NEK11: variants seen among roughly 807,000 people sequenced by gnomAD.
NEK11 encodes NIMA related kinase 11.
In NEK11, 72 loss-of-function variants were observed where a neutral mutation model predicts 80.7. That is an observed-to-expected ratio of 0.89 (90% confidence interval 0.74 to 1.08). The LOEUF (loss-of-function observed/expected upper bound fraction) is 1.08, where lower values mean the gene tolerates loss of function less well. Ranked by LOEUF, NEK11 falls within the 50% of genes least tolerant of loss-of-function variation. The pLI is 0.00. For synonymous variants in NEK11, 251 were observed against 260.7 expected, an observed-to-expected ratio of 0.96 and a Z score of 0.36; for missense variants, 764 against 763.6, an observed-to-expected ratio of 1.00 and a Z score of -0.01.
intron 5 of NEK11, among the ~76,000 whole-genome samples, chr3:131,131,452 G>A (rs955179558): frequency 1.3e-5 from 2 of 152,084 alleles, no homozygotes; most frequent in Admixed American, 6.6e-5. Context: ...TTGGCAGCTT[G>A]TGTCTTTGAA....
intron 16 of NEK11, among the ~76,000 whole-genome samples, chr3:131,261,824 A>G (rs1318934811): frequency 6.6e-6 from 1 of 152,148 alleles, no homozygotes; most frequent in Non-Finnish European, 1.5e-5. Flanking sequence ...CACAGCTACT[A>G]TTTATATTGC....
intron 7 of NEK11, among the ~76,000 whole-genome samples, chr3:131,145,821 A>G (rs969154313): frequency 6.6e-6 from 1 of 152,144 alleles, no homozygotes; most frequent in Non-Finnish European, 1.5e-5. Flanking sequence ...TCATCTGAAA[A>G]ATGGGAATAA....
At chr3:131,182,159 GA>G (rs1223749794) in intron 14 of NEK11, among the ~76,000 whole-genome samples, 1 of 146,786 alleles carries the variant, frequency 6.8e-6, no homozygotes, top group Non-Finnish European at 1.5e-5. Context: ...AAAAAGAAAA[GA>G]AAAAAGAACT....
At chr3:131,184,800 G>T (rs2093529626) in intron 14 of NEK11, 2 of 874,106 alleles carry the variant, frequency 2.3e-6, no homozygotes, top group Non-Finnish European at 1.5e-6. Context: ...TACTTTTTGA[G>T]TCCCCTAGCT....
chr3:131,177,007 T>C (rs2093058390), intron 14 of NEK11, among the ~76,000 whole-genome samples: 1 of 152,184 alleles, frequency 6.6e-6, no homozygotes, highest in Non-Finnish European at 1.5e-5. Flanking sequence ...AGCTTTAAGG[T>C]TGGATAGAAA....
chr3:131,216,872 A>G (rs1470316235), intron 14 of NEK11, among the ~76,000 whole-genome samples: 1 of 152,250 alleles, frequency 6.6e-6, no homozygotes, highest in African/African-American at 2.4e-5. Context: ...CCTTGGGCGC[A>G]GAGGGGGCTC....
chr3:131,117,546 A>G (rs921172015), intron 5 of NEK11, among the ~76,000 whole-genome samples: 4 of 152,140 alleles, frequency 2.6e-5, no homozygotes, highest in African/African-American at 9.7e-5. Context: ...ATGGCATTGA[A>G]TCTATAAATT....
rs569064927 is a variant in NEK11, at chr3:131,184,381, A to G, written c.1399+13494A>G. Among the ~76,000 whole-genome samples the G allele has an allele frequency of 9.2e-5, 14 of 152,306 alleles. No homozygotes were observed. The South Asian group carries it at 2.9e-3, about 32-fold the overall frequency. ...TTTTAACAACATCTCAGTGATTCGT[A>G]GGCACATTAAAGTTTGAAAAGGACT... On this transcript the variant is annotated intron_variant, in intron 14 of 17. Transcript: ENST00000383366.
chr3:131,140,223 G>A (rs1046419130), intron 7 of NEK11, among the ~76,000 whole-genome samples: 2 of 152,094 alleles, frequency 1.3e-5, no homozygotes, highest in African/African-American at 4.8e-5. Context: ...GATTTTGCTT[G>A]GTTCTCTTGA....
At chr3:131,076,668 T>C (rs2074409310) in intron 3 of NEK11, among the ~76,000 whole-genome samples, 1 of 152,232 alleles carries the variant, frequency 6.6e-6, no homozygotes, top group Non-Finnish European at 1.5e-5. Flanking sequence ...GTGGGTACAG[T>C]AGCTGCTAAT....
intron 3 of NEK11, among the ~76,000 whole-genome samples, chr3:131,041,944 ACGG>A (rs2066553974): frequency 6.6e-6 from 1 of 152,126 alleles, no homozygotes; most frequent in Admixed American, 6.5e-5. Context: ...GGTACAGCCC[ACGG>A]AGGGCGAGCA....
chr3:131,207,396 A>T (rs1335311004), intron 14 of NEK11, among the ~76,000 whole-genome samples: 1 of 152,164 alleles, frequency 6.6e-6, no homozygotes, highest in Non-Finnish European at 1.5e-5. Flanking sequence ...ATCCTGGCTA[A>T]CACGGTGAAA....
At chr3:131,265,822 C>T (rs1023358224) in intron 16 of NEK11, among the ~76,000 whole-genome samples, 7 of 152,212 alleles carry the variant, frequency 4.6e-5, no homozygotes, top group African/African-American at 7.2e-5. Context: ...TGGTAGAATT[C>T]GGCTGTGAAT....
chr3:131,261,489 A>G (rs1265627902), intron 16 of NEK11, among the ~76,000 whole-genome samples: 1 of 152,088 alleles, frequency 6.6e-6, no homozygotes, highest in East Asian at 1.9e-4. Flanking sequence ...TTGTCTTCCC[A>G]AGTAAATGCT....
intron 14 of NEK11, among the ~76,000 whole-genome samples, chr3:131,182,874 T>A (rs2093427652): frequency 6.6e-6 from 1 of 152,216 alleles, no homozygotes; most frequent in Admixed American, 6.5e-5. Context: ...CAATTCCACA[T>A]GACCTGTTTT....
chr3:131,146,861 C>A (rs1036799027), intron 7 of NEK11, among the ~76,000 whole-genome samples: 4 of 151,878 alleles, frequency 2.6e-5, no homozygotes, highest in Non-Finnish European at 5.9e-5. Flanking sequence ...AAGTCTTTTG[C>A]CCATTTTTCT....
At chr3:131,077,709 A>G (rs1288544293) in intron 3 of NEK11, among the ~76,000 whole-genome samples, 1 of 152,144 alleles carries the variant, frequency 6.6e-6, no homozygotes, top group Non-Finnish European at 1.5e-5. Context: ...GGTACAGTAA[A>G]TTACTGAAAA....
At chr3:131,181,563 G>A (rs1446356101) in intron 14 of NEK11, among the ~76,000 whole-genome samples, 3 of 151,976 alleles carry the variant, frequency 2.0e-5, no homozygotes, top group South Asian at 2.1e-4. Flanking sequence ...TGGCTAACAC[G>A]ATGAAACCCC....
chr3:131,307,811 G>A (rs2096737661), intron 17 of NEK11, among the ~76,000 whole-genome samples: 1 of 152,228 alleles, frequency 6.6e-6, no homozygotes, highest in African/African-American at 2.4e-5. Context: ...GAACTGCAGT[G>A]TGAATTTTGT....
Sources: gnomAD v4.1 joint callset for allele counts (sites outside exome capture counted in the v4.1 genomes callset) on GRCh38, gnomAD v4.1.1 for gene constraint, MANE v1.5 for transcripts, NCBI Gene and HGNC (gene_info 2026-07-23, HGNC 2026-07-21) for gene names.